The following GRM8 variants were observed in gnomAD, a reference collection of about 807,000 sequenced individuals.
The protein encoded by GRM8 is glutamate metabotropic receptor 8.
Under a neutral mutation model 87.2 loss-of-function variants are expected in GRM8, and 47 were observed. The observed-to-expected ratio is 0.54, with a 90% CI of 0.43 to 0.69. The LOEUF (loss-of-function observed/expected upper bound fraction) is 0.69. Among genes scored for constraint, GRM8 ranks in the 30% least tolerant of loss-of-function variants. The pLI is 0.00. For missense variants in GRM8, 1,019 were observed against 1,139.2 expected (o/e 0.89, Z 1.52); for synonymous variants, 396 against 404.5 (o/e 0.98, Z 0.25).
At chr7:126,970,598 T>C (rs1004028078) in intron 3 of GRM8, among the ~76,000 whole-genome samples, 13 of 152,318 alleles carry the variant, frequency 8.5e-5, no homozygotes, top group Middle Eastern at 3.4e-3. Context: ...TTTCTCTATA[T>C]CAGCAGTAAG....
At chr7:126,812,736 G>A (rs549658749) in intron 6 of GRM8, among the ~76,000 whole-genome samples, 6 of 152,072 alleles carry the variant, frequency 3.9e-5, no homozygotes, top group Admixed American at 2.0e-4. Context: ...AGCTCAGGTG[G>A]CAGAACGTAT....
chr7:126,958,484 G>A (rs1272401374), intron 3 of GRM8, among the ~76,000 whole-genome samples: 1 of 152,184 alleles, frequency 6.6e-6, no homozygotes, highest in African/African-American at 2.4e-5. Flanking sequence ...CACAGAGCTG[G>A]CGCCTGGAGC....
intron 3 of GRM8, among the ~76,000 whole-genome samples, chr7:127,104,850 C>T (rs1274802827): frequency 2.6e-5 from 4 of 152,162 alleles, no homozygotes; most frequent in Non-Finnish European, 5.9e-5. Flanking sequence ...TTATTTTAGT[C>T]AAAAGAATAA....
intron 2 of GRM8, among the ~76,000 whole-genome samples, chr7:127,188,861 C>T (rs992691754): frequency 1.3e-5 from 2 of 152,202 alleles, no homozygotes; most frequent in Admixed American, 1.3e-4. Context: ...GACAACAATT[C>T]TCCTCCAATC....
intron 2 of GRM8, among the ~76,000 whole-genome samples, chr7:127,155,105 C>T (rs991137616): frequency 1.3e-5 from 2 of 152,000 alleles, no homozygotes; most frequent in African/African-American, 2.4e-5. Flanking sequence ...AGTATAAGTA[C>T]GTTCCAAGGA....
chr7:126,787,757 T>C (rs1241618356), intron 6 of GRM8, among the ~76,000 whole-genome samples: 1 of 151,672 alleles, frequency 6.6e-6, no homozygotes. Flanking sequence ...GTCGATATCT[T>C]TTTTTTATTT....
At chr7:126,493,299 T>C (rs931030511) in intron 9 of GRM8, among the ~76,000 whole-genome samples, 1 of 152,006 alleles carries the variant, frequency 6.6e-6, no homozygotes, top group Non-Finnish European at 1.5e-5. Context: ...ACTGTCCAGA[T>C]ACAGAGCACA....
chr7:126,838,845 G>A (rs925654526), intron 6 of GRM8, among the ~76,000 whole-genome samples: 4 of 152,074 alleles, frequency 2.6e-5, no homozygotes, highest in Non-Finnish European at 4.4e-5. Flanking sequence ...AGATTACCAT[G>A]GACTCTCAGA....
In GRM8 at chr7:127,019,332, T is replaced by C. The variant is rs142966170; in HGVS notation, c.727+87164A>G. Among the ~76,000 whole-genome samples, 789 of 152,216 alleles carry C rather than the reference T, an allele frequency of 5.2e-3. 10 individuals carry two copies. Among genetic ancestry groups the C allele is most frequent in the African/African-American group, 0.018 (737 of 41,554 alleles). ...AAAACAAACTTTCTCCATTGCTGTA[T>C]ATGACTCAAGACCATCTGAGAAGGT... On this transcript the variant is annotated intron_variant, in intron 3 of 10. Coordinates refer to ENST00000339582, the MANE Select transcript of GRM8 (RefSeq NM_000845.3).
chr7:126,596,918 A>C (rs1382749904), intron 8 of GRM8, among the ~76,000 whole-genome samples: 1 of 152,214 alleles, frequency 6.6e-6, no homozygotes, highest in Non-Finnish European at 1.5e-5. Flanking sequence ...ATGTATCTGC[A>C]ATTATCTCAC....
At chr7:127,024,626 A>G (rs1692475233) in intron 3 of GRM8, among the ~76,000 whole-genome samples, 1 of 151,970 alleles carries the variant, frequency 6.6e-6, no homozygotes, top group Non-Finnish European at 1.5e-5. Flanking sequence ...ATAAAATAAA[A>G]TCCAAACTTT....
chr7:126,567,196 T>C (rs1043759697), intron 8 of GRM8, among the ~76,000 whole-genome samples: 3 of 152,138 alleles, frequency 2.0e-5, no homozygotes, highest in Non-Finnish European at 2.9e-5. Flanking sequence ...TCAACAATAA[T>C]GTATTGTGCA....
intron 9 of GRM8, among the ~76,000 whole-genome samples, chr7:126,525,284 T>C (rs1487071780): frequency 3.9e-5 from 6 of 152,220 alleles, no homozygotes; most frequent in Admixed American, 1.3e-4. Context: ...TATATTCTTA[T>C]CCTAGGTAGA....
intron 8 of GRM8, among the ~76,000 whole-genome samples, chr7:126,537,106 G>A (rs1025846054): frequency 3.3e-5 from 5 of 151,836 alleles, no homozygotes; most frequent in African/African-American, 7.3e-5. Context: ...ATGAAAAAAC[G>A]TTTTTCATAA....
intron 3 of GRM8, among the ~76,000 whole-genome samples, chr7:126,953,428 C>T (rs528996585): frequency 6.6e-6 from 1 of 152,092 alleles, no homozygotes; most frequent in Non-Finnish European, 1.5e-5. Flanking sequence ...TGTCATTTCT[C>T]AGTTGTTTGC....
At chr7:127,041,093 A>G (rs765642719) in intron 3 of GRM8, among the ~76,000 whole-genome samples, 11 of 152,216 alleles carry the variant, frequency 7.2e-5, no homozygotes, top group Non-Finnish European at 1.6e-4. Context: ...TTTAAATGAT[A>G]GTAATTAGCA....
At chr7:126,569,681 T>C (rs991408383) in intron 8 of GRM8, among the ~76,000 whole-genome samples, 2 of 152,168 alleles carry the variant, frequency 1.3e-5, no homozygotes, top group Admixed American at 1.3e-4. Context: ...CAGTAATGTG[T>C]GGTAAAGCGT....
At chr7:126,667,252 T>C (rs1805872804) in intron 7 of GRM8, among the ~76,000 whole-genome samples, 1 of 152,208 alleles carries the variant, frequency 6.6e-6, no homozygotes, top group South Asian at 2.1e-4. Flanking sequence ...ACTAAGATGC[T>C]ATTTGAATGT....
At chr7:126,550,754 A>G (rs1399401790) in intron 8 of GRM8, among the ~76,000 whole-genome samples, 4 of 151,904 alleles carry the variant, frequency 2.6e-5, no homozygotes, top group Non-Finnish European at 5.9e-5. Context: ...AGTATTAATT[A>G]TAGAGGGTAG....
Sources: gnomAD v4.1 joint callset for allele counts (sites outside exome capture counted in the v4.1 genomes callset) on GRCh38, gnomAD v4.1.1 for gene constraint, MANE v1.5 for transcripts, NCBI Gene and HGNC (gene_info 2026-07-23, HGNC 2026-07-21) for gene names.